CARM1: variants seen among roughly 807,000 people sequenced by gnomAD.
CARM1 encodes histone-arginine methyltransferase CARM1.
CARM1 carries 14 observed loss-of-function variants against 72.7 expected under a neutral mutation model. That is an observed-to-expected ratio of 0.19 (90% CI 0.13 to 0.30). The LOEUF is 0.30. Ranked by LOEUF, CARM1 falls within the 10% of genes least tolerant of loss-of-function variation. The probability of loss-of-function intolerance (pLI) is 1.00; values close to 1 mark genes in which losing one functional copy is unlikely to be tolerated. For missense variants in CARM1, 432 were observed against 833.7 expected (o/e 0.52, Z 5.93); for synonymous variants, 333 against 345.5 (o/e 0.96, Z 0.40).
In CARM1 at chr19:10,871,628, G is replaced by A. The variant is rs1157837295; in HGVS notation, c.-75G>A. ...CGGCGGCGGCGGCGGCGGCGGCGGC[G>A]GCGGCGGCGGCAGCGGCGGCGGCCT... On this transcript the variant is annotated 5_prime_UTR_variant, in exon 1 of 16. Coordinates refer to ENST00000327064, the MANE Select transcript of CARM1 (RefSeq NM_199141.2). The surrounding 1 kb of genome is among the most constrained non-coding windows in gnomAD (Gnocchi z 5.6). 23 of 138,872 alleles carry A rather than the reference G, an allele frequency of 1.7e-4. 1 individual carries two copies. Among genetic ancestry groups the A allele is most frequent in the Middle Eastern group, 3.8e-3 (1 of 264 alleles). 8.6% of individuals were successfully genotyped at this position (138,872 alleles called of 1,614,324 possible). A position where few individuals can be genotyped will look rare whatever the true frequency, so the allele number is the denominator to read the frequency against.
intron 1 of CARM1, among the ~76,000 whole-genome samples, chr19:10,887,912 C>T (rs1368316864): frequency 6.6e-6 from 1 of 152,212 alleles, no homozygotes; most frequent in African/African-American, 2.4e-5. Context: ...CTTTTGCCAG[C>T]CTGAAGGCAG....
chr19:10,871,607 G>GGTAGCGGCA lies in CARM1; in HGVS notation c.-95_-94insTAGCGGCAG, dbSNP rs1568342755. On this transcript the variant is annotated 5_prime_UTR_variant, in exon 1 of 16. Transcript: ENST00000327064. The surrounding 1 kb of genome is among the most constrained non-coding windows in gnomAD (Gnocchi z 5.6). ...TAGCGGCAGCGGCGGCGGCGGCGGC[G>GGTAGCGGCA]GCGGCGGCGGCGGCGGCGGCGGCGG... 4 of 118,100 alleles carry GGTAGCGGCA rather than the reference G, an allele frequency of 3.4e-5. No homozygotes were observed. The highest frequency in any genetic ancestry group is 5.3e-5 in the Non-Finnish European group (3 of 56,992). 7.3% of individuals were successfully genotyped at this position (118,100 alleles called of 1,614,324 possible).
At chr19:10,875,616 G>C (rs996586250) in intron 1 of CARM1, among the ~76,000 whole-genome samples, 1 of 151,968 alleles carries the variant, frequency 6.6e-6, no homozygotes, top group Non-Finnish European at 1.5e-5. Flanking sequence ...AGTAGAGACG[G>C]GGTTTCACCG....
chr19:10,905,171 G>A (rs918489885), intron 2 of CARM1, 95 bp downstream of exon 2: 47 of 1,461,808 alleles, frequency 3.2e-5, no homozygotes, highest in Non-Finnish European at 4.2e-5. Context: ...GGTGGCCCGT[G>A]CATCCTTAAG....
At position 10,915,949 on chromosome 19, in the gene CARM1, TG is replaced by T. The variant is rs1424907918; in HGVS notation, c.848-456del. Among the ~76,000 whole-genome samples the T allele has an allele frequency of 2.6e-5, 4 of 152,196 alleles. No individual in the cohort carries two copies. On this transcript the variant is annotated intron_variant, in intron 6 of 15. Coordinates refer to ENST00000327064, the MANE Select transcript of CARM1 (RefSeq NM_199141.2). This position sits in a 1 kb window ranked among gnomAD's most constrained non-coding sequence, Gnocchi z 4.6. Reference sequence around the variant, plus strand: ...GATTTGGCTTCCCCCACCTGGCTCTTGGCCTCAACTGAGGTCCCCAGCGGCG... The same window carrying T: ...GATTTGGCTTCCCCCACCTGGCTCTTGCCTCAACTGAGGTCCCCAGCGGCG...
intron 1 of CARM1, among the ~76,000 whole-genome samples, chr19:10,901,162 T>C (rs911533825): frequency 1.3e-5 from 2 of 152,014 alleles, no homozygotes; most frequent in Admixed American, 6.6e-5. Flanking sequence ...TTTGTGTTTT[T>C]AGTAGAGACG....
chr19:10,912,382 G>A lies in CARM1; in HGVS notation c.669+88G>A. On this transcript the variant is annotated intron_variant, in intron 5 of 15. Coordinates refer to ENST00000327064, the MANE Select transcript of CARM1 (RefSeq NM_199141.2). This position sits in a 1 kb window ranked among gnomAD's most constrained non-coding sequence, Gnocchi z 4.5. ...GCCTAGAGAAGCTTGGGAACCCCCAGGGGCCTGGGGACATTACTTCTGTGC... is the reference window on the plus strand; with the variant it reads ...GCCTAGAGAAGCTTGGGAACCCCCAAGGGCCTGGGGACATTACTTCTGTGC... The A allele has an allele frequency of 1.1e-6, 1 of 918,404 alleles. No homozygotes were observed. Among genetic ancestry groups the A allele is most frequent in the South Asian group, 1.3e-5 (1 of 76,602 alleles). The allele number at this position is 918,404 out of a possible 1,614,324, so 56.9% of individuals were successfully genotyped here. A position where few individuals can be genotyped will look rare whatever the true frequency, so the allele number is the denominator to read the frequency against.
At chr19:10,876,030 C>T (rs1406232767) in intron 1 of CARM1, among the ~76,000 whole-genome samples, 1 of 151,962 alleles carries the variant, frequency 6.6e-6, no homozygotes, top group Non-Finnish European at 1.5e-5. Flanking sequence ...CATGTGCCAC[C>T]ATGCCCGGTT....
intron 1 of CARM1, among the ~76,000 whole-genome samples, chr19:10,889,315 ATTT>A (rs1229574072): frequency 7.2e-6 from 1 of 138,522 alleles, no homozygotes; most frequent in Non-Finnish European, 1.6e-5. Context: ...CAATTTGAGA[ATTT>A]TTTTTTTTTT....
chr19:10,921,030 G>A lies in CARM1; in HGVS notation c.1538-20G>A, dbSNP rs375404812. 45 of 1,613,690 alleles carry A rather than the reference G, an allele frequency of 2.8e-5. No individual in the cohort carries two copies. The highest frequency in any genetic ancestry group is 3.4e-5 in the Non-Finnish European group (40 of 1,179,724). ...TGGCCCCTCTGCCTCCAGCCCTGACGTCTCCCTCTCTGGACACAGGGATGC... is the reference window on the plus strand; with the variant it reads ...TGGCCCCTCTGCCTCCAGCCCTGACATCTCCCTCTCTGGACACAGGGATGC... On this transcript the variant is annotated intron_variant, in intron 13 of 15. Coordinates refer to ENST00000327064, the MANE Select transcript of CARM1 (RefSeq NM_199141.2).
Position 10,912,744 on chromosome 19 carries a change from G to C in CARM1, c.669+450G>C, listed in dbSNP as rs928795513. ...CCTGCTCTGCCTCTCCCATGGATCT[G>C]GGGTCGCCGGGGTCGTGGAGGGGCC... is the stretch of plus-strand genomic sequence containing the variant. On this transcript the variant is annotated intron_variant, in intron 5 of 15. Coordinates refer to ENST00000327064, the MANE Select transcript of CARM1 (RefSeq NM_199141.2). The surrounding 1 kb of genome is among the most constrained non-coding windows in gnomAD (Gnocchi z 4.5). 1.3e-5 allele frequency among the ~76,000 whole-genome samples: 2 copies of C among 152,056 alleles called. No homozygotes were observed. The highest frequency in any genetic ancestry group is 1.3e-4 in the Admixed American group (2 of 15,260).
chr19:10,919,543 C>T (rs2074223620), intron 8 of CARM1, 52 bp from the exon 9 acceptor site: 15 of 1,324,972 alleles, frequency 1.1e-5, no homozygotes, highest in African/African-American at 1.4e-5. Context: ...GCTCTCCCCT[C>T]CCATGCTGGC....
chr19:10,892,497 C>T (rs2145203729), intron 1 of CARM1, among the ~76,000 whole-genome samples: 1 of 152,354 alleles, frequency 6.6e-6, no homozygotes, highest in African/African-American at 2.4e-5. Flanking sequence ...TCCAGAGCTT[C>T]TCCGAGGACG....
chr19:10,887,395 C>G (rs2073949753), intron 1 of CARM1, among the ~76,000 whole-genome samples: 1 of 152,070 alleles, frequency 6.6e-6, no homozygotes, highest in Middle Eastern at 3.4e-3. Context: ...TGTGCCACAT[C>G]TGGAATCACA....
intron 1 of CARM1, among the ~76,000 whole-genome samples, chr19:10,873,623 A>AGTTTTTT (rs2073837507): frequency 1.9e-5 from 1 of 52,260 alleles, no homozygotes; most frequent in African/African-American, 7.4e-5. Flanking sequence ...ATTTTAGTTT[A>AGTTTTTT]GTTTTTTTTT....
chr19:10,920,804 C>T lies in CARM1; in HGVS notation c.1425-30C>T. On this transcript the variant is annotated intron_variant, in intron 12 of 15. Transcript: ENST00000327064. The surrounding 1 kb of genome is among the most constrained non-coding windows in gnomAD (Gnocchi z 5.3). Reference sequence around the variant, plus strand: ...GCGCCCCGGCCCTGCAACCCCCTTGCCCCTGCCCATGGCTCTGTCTCTGCC... The same window carrying T: ...GCGCCCCGGCCCTGCAACCCCCTTGTCCCTGCCCATGGCTCTGTCTCTGCC... 6.2e-7 allele frequency: 1 copy of T among 1,613,628 alleles called. No homozygotes were observed. Among genetic ancestry groups the T allele is most frequent in the Non-Finnish European group, 8.5e-7 (1 of 1,179,488 alleles).
In CARM1 at chr19:10,896,662, G is replaced by C. The variant is rs2074026190; in HGVS notation, c.221-8289G>C. On this transcript the variant is annotated intron_variant, in intron 1 of 15. Coordinates refer to ENST00000327064, the MANE Select transcript of CARM1 (RefSeq NM_199141.2). The surrounding 1 kb of genome is among the most constrained non-coding windows in gnomAD (Gnocchi z 5.2). ...GTAGCCTCCCAGGGCTCACCACACTGTCTGGGCCACCCCTGTTTCCCTGCG... is the reference window on the plus strand; with the variant it reads ...GTAGCCTCCCAGGGCTCACCACACTCTCTGGGCCACCCCTGTTTCCCTGCG... 1.3e-5 allele frequency among the ~76,000 whole-genome samples: 2 copies of C among 152,140 alleles called. No homozygotes were observed. Among genetic ancestry groups the C allele is most frequent in the South Asian group, 2.1e-4 (1 of 4,832 alleles).
chr19:10,905,487 C>T (rs1182981506), intron 2 of CARM1, among the ~76,000 whole-genome samples: 2 of 152,202 alleles, frequency 1.3e-5, no homozygotes, highest in African/African-American at 4.8e-5. Context: ...ACCAACCCAC[C>T]TTGGGGGCAC....
At chr19:10,897,638 G>A (rs772493663) in intron 1 of CARM1, among the ~76,000 whole-genome samples, 9 of 152,166 alleles carry the variant, frequency 5.9e-5, no homozygotes, top group South Asian at 2.1e-4. Context: ...TACGTTCCCC[G>A]TTGGAGACTC....
Sources: gnomAD v4.1 joint callset for allele counts (sites outside exome capture counted in the v4.1 genomes callset) on GRCh38, gnomAD v4.1.1 for gene constraint, Gnocchi (gnomAD v3.1) non-coding constraint, MANE v1.5 for transcripts, NCBI Gene and HGNC (gene_info 2026-07-23, HGNC 2026-07-21) for gene names.